Variants in FAM3B observed in about 807,000 individuals in gnomAD.
FAM3B encodes the protein FAM3 metabolism regulating signaling molecule B, also known as protein FAM3B.
Under a neutral mutation model 28.4 loss-of-function variants are expected in FAM3B, and 29 were observed. That is an observed-to-expected ratio of 1.02 (90% CI 0.76 to 1.39). The LOEUF (loss-of-function observed/expected upper bound fraction) is 1.39, where lower values mean the gene tolerates loss of function less well. FAM3B is among the 40% of genes most tolerant of loss of function. The pLI, the probability that FAM3B is intolerant of heterozygous loss-of-function variation, is 0.00. For missense variants in FAM3B, 266 were observed against 293.9 expected, an observed-to-expected ratio of 0.91 and a Z score of 0.69; for synonymous variants, 91 against 103.0, an observed-to-expected ratio of 0.88 and a Z score of 0.71.
chr21:41,338,177 A>G (rs983039649), intron 2 of FAM3B, among the ~76,000 whole-genome samples: 1 of 151,756 alleles, frequency 6.6e-6, no homozygotes, highest in Non-Finnish European at 1.5e-5. Context: ...CTTATTTGTC[A>G]CTTTAAAATG....
chr21:41,323,090 C>T (rs767402116), intron 2 of FAM3B, 24 bp downstream of exon 2: 24 of 1,598,462 alleles, frequency 1.5e-5, no homozygotes, highest in East Asian at 4.5e-5. Flanking sequence ...TTGGGGCAGA[C>T]GGCTGCCTTC....
At chr21:41,346,252 C>T (rs1014518089) in intron 5 of FAM3B, 1 of 152,498 alleles carries the variant, frequency 6.6e-6, no homozygotes, top group Admixed American at 6.6e-5. Context: ...TATACTATCC[C>T]CTCTTATTTT....
At chr21:41,343,069 A>G (rs147122588) in intron 3 of FAM3B, among the ~76,000 whole-genome samples, 264 of 152,196 alleles carry the variant, frequency 1.7e-3, no homozygotes, top group African/African-American at 6.1e-3. Flanking sequence ...ACAAGCTCTG[A>G]TTTTTTTCTG....
chr21:41,304,625 C>G (rs1036092737), intron 1 of FAM3B, among the ~76,000 whole-genome samples: 1 of 152,236 alleles, frequency 6.6e-6, no homozygotes, highest in African/African-American at 2.4e-5. Flanking sequence ...CCTGGCTTGC[C>G]CCGGCCTGCA....
At position 41,338,443 on chromosome 21, in the gene FAM3B, A is replaced by C. The variant is rs778394453; in HGVS notation, c.229A>C (p.Arg77=). 33 of 1,614,076 alleles carry C rather than the reference A, an allele frequency of 2.0e-5. No homozygotes were observed. Among genetic ancestry groups the C allele is most frequent in the Admixed American group, 5.0e-5 (3 of 60,010 alleles). The change falls in exon 3 of 8, where the codon AGG becomes CGG. Residue 77 remains arginine, a synonymous_variant. Coordinates refer to ENST00000357985, the MANE Select transcript of FAM3B (RefSeq NM_058186.4). ...CTGCCCATCTGACACCTATGCCTAC[A>C]GGTTACTCAGCGGAGGTGGCAGAAG... ...TPCPSDTYAY[R]LLSGGGRSKY...
At chr21:41,323,142 G>GC in intron 2 of FAM3B, 76 bp downstream of exon 2, 1 of 1,568,590 alleles carries the variant, frequency 6.4e-7, no homozygotes. Flanking sequence ...TTCTGTCCCA[G>GC]CTGGAGGCTG....
intron 3 of FAM3B, among the ~76,000 whole-genome samples, chr21:41,339,249 T>G (rs1022573350): frequency 2.6e-5 from 4 of 152,232 alleles, no homozygotes; most frequent in African/African-American, 9.6e-5. Context: ...ACAGCACTAC[T>G]TAAGTTATCT....
chr21:41,356,602 G>A (rs1159485341), intron 7 of FAM3B, among the ~76,000 whole-genome samples: 3 of 152,122 alleles, frequency 2.0e-5, no homozygotes, highest in Admixed American at 6.5e-5. Flanking sequence ...GTGTGGCTAG[G>A]GGCTACTCCA....
upstream of FAM3B, among the ~76,000 whole-genome samples, chr21:41,314,065 G>T (rs1455704656): frequency 6.6e-6 from 1 of 152,188 alleles, no homozygotes; most frequent in Non-Finnish European, 1.5e-5. Context: ...TGGCTTTGGG[G>T]TGGTTGGAGA....
At chr21:41,334,325 C>A (rs2088933997) in intron 2 of FAM3B, among the ~76,000 whole-genome samples, 1 of 152,166 alleles carries the variant, frequency 6.6e-6, no homozygotes, top group Non-Finnish European at 1.5e-5. Flanking sequence ...TTTCAAAGAC[C>A]TTTGCAGCTG....
At chr21:41,339,535 A>G (rs1338966757) in intron 3 of FAM3B, among the ~76,000 whole-genome samples, 1 of 152,196 alleles carries the variant, frequency 6.6e-6, no homozygotes, top group East Asian at 1.9e-4. Flanking sequence ...TTACGTTAGC[A>G]TTTACAATTC....
chr21:41,310,010 C>T lies in FAM3B; in HGVS notation n.99+5700C>T, dbSNP rs78203192. Among the ~76,000 whole-genome samples, 146 of 152,322 alleles carry T rather than the reference C, an allele frequency of 9.6e-4. 1 individual carries two copies. The East Asian group carries it at 0.021, about 22-fold the overall frequency. ...AAGCTTTCTGCCAAGCCAGAGTTCACAGGTCTCTGGGTTTCTCATCCTCCC... is the reference window on the plus strand; with the variant it reads ...AAGCTTTCTGCCAAGCCAGAGTTCATAGGTCTCTGGGTTTCTCATCCTCCC... On this transcript the variant is annotated intron_variant and non_coding_transcript_variant, in intron 1 of 9. Coordinates refer to the FAM3B transcript ENST00000479810.
chr21:41,308,749 G>A, intron 1 of FAM3B, among the ~76,000 whole-genome samples: 1 of 152,044 alleles, frequency 6.6e-6, no homozygotes. Context: ...ATGCTGGTCA[G>A]GCTAGTCTCG....
chr21:41,315,903 C>T (rs980863203), upstream of FAM3B, among the ~76,000 whole-genome samples: 4 of 152,106 alleles, frequency 2.6e-5, no homozygotes, highest in Admixed American at 6.6e-5. Flanking sequence ...GAGCAGAGGC[C>T]GGAGCAGAGT....
At chr21:41,327,901 G>A (rs753460318) in intron 2 of FAM3B, among the ~76,000 whole-genome samples, 5 of 152,208 alleles carry the variant, frequency 3.3e-5, no homozygotes, top group Non-Finnish European at 7.3e-5. Flanking sequence ...ACCTCTGTGA[G>A]TAAGTGCACC....
rs750420739 is a variant in FAM3B at position 41,349,398 on chromosome 21, G to T, written c.618+674G>T. Among the ~76,000 whole-genome samples the T allele has an allele frequency of 2.4e-4, 37 of 152,314 alleles. 1 individual carries two copies. Among genetic ancestry groups the T allele is most frequent in the Middle Eastern group, 6.8e-3 (2 of 294 alleles). Reference sequence around the variant, plus strand: ...AAAAGATGCTGCAGTAACCGGTGCTGCAGTAACCGGTGCAGAAGAGGAGGA... The same window carrying T: ...AAAAGATGCTGCAGTAACCGGTGCTTCAGTAACCGGTGCAGAAGAGGAGGA... On this transcript the variant is annotated intron_variant, in intron 7 of 7. Coordinates refer to ENST00000357985, the MANE Select transcript of FAM3B (RefSeq NM_058186.4).
chr21:41,350,405 C>T (rs1327170994), intron 7 of FAM3B, among the ~76,000 whole-genome samples: 3 of 152,192 alleles, frequency 2.0e-5, no homozygotes, highest in Non-Finnish European at 4.4e-5. Flanking sequence ...GAATCATCAC[C>T]TGTGAGAGGT....
intron 3 of FAM3B, 27 bp downstream of exon 3, chr21:41,338,528 T>C (rs758092709): frequency 6.2e-7 from 1 of 1,612,770 alleles, no homozygotes; most frequent in African/African-American, 1.3e-5. Context: ...AGAAGGAAAA[T>C]AAAGCGATCC....
intron 1 of FAM3B, chr21:41,322,465 T>C (rs1428381514): frequency 1.1e-5 from 7 of 655,758 alleles, no homozygotes; most frequent in Non-Finnish European, 2.0e-5. Context: ...TTCCCAGTGC[T>C]GGTGATATGG....
Sources: allele counts gnomAD v4.1 joint callset (sites outside exome capture counted in the v4.1 genomes callset), GRCh38; gene constraint gnomAD v4.1.1; transcripts MANE v1.5; gene names NCBI Gene and HGNC (gene_info 2026-07-23, HGNC 2026-07-21).